Variants in CACNA1C observed in about 807,000 individuals in gnomAD.
CACNA1C encodes calcium voltage-gated channel subunit alpha1 C, also known as voltage-dependent L-type calcium channel subunit alpha-1C.
Under a neutral mutation model 229.0 loss-of-function variants are expected in CACNA1C, and 30 were observed. That is an observed-to-expected ratio of 0.13 (90% CI 0.10 to 0.18). The LOEUF is 0.18. CACNA1C is among the 10% of genes least tolerant of loss of function. The pLI, the probability that CACNA1C is intolerant of heterozygous loss-of-function variation, is 1.00. For missense variants in CACNA1C, 1,658 were observed against 2,845.0 expected (o/e 0.58, Z 9.49); for synonymous variants, 1,114 against 1,132.5 (o/e 0.98, Z 0.33).
chr12:2,159,603 CTTT>C (rs575455560), intron 3 of CACNA1C, among the ~76,000 whole-genome samples: 4 of 138,338 alleles, frequency 2.9e-5, no homozygotes, highest in African/African-American at 5.4e-5. Context: ...CTTTCTTTCT[CTTT>C]TTTTTTTTTT....
rs2049819376 is a variant in CACNA1C at position 2,040,093 on chromosome 12, C to T, written c.139+68892C>T. ...GGTACTTTTCTACCCAGCTGTGGCA[C>T]ACCCATGACTTCAGCAGGGAGAGAG... On this transcript the variant is annotated intron_variant, in intron 1 of 46. Transcript: ENST00000682462. Among the ~76,000 whole-genome samples the T allele has an allele frequency of 5.3e-5, 8 of 152,238 alleles. No homozygotes were observed. In the South Asian group the frequency reaches 1.7e-3, roughly 32 times the overall value.
At chr12:2,193,570 G>A (rs2097308374) in intron 3 of CACNA1C, among the ~76,000 whole-genome samples, 1 of 152,254 alleles carries the variant, frequency 6.6e-6, no homozygotes, top group Admixed American at 6.5e-5. Context: ...GAGAACTCAG[G>A]CAAGCGATGA....
chr12:2,277,575 C>T (rs986997088), intron 3 of CACNA1C, among the ~76,000 whole-genome samples: 6 of 152,206 alleles, frequency 3.9e-5, no homozygotes, highest in Non-Finnish European at 7.3e-5. Context: ...GGGGTCCACC[C>T]CACCCTGAAG....
chr12:2,074,168 T>C (rs370887089), intron 1 of CACNA1C, among the ~76,000 whole-genome samples: 1 of 125,142 alleles, frequency 8.0e-6, no homozygotes, highest in African/African-American at 3.1e-5. Flanking sequence ...ATGTAGATAA[T>C]GTAGGAAAAA....
intron 28 of CACNA1C, 139 bp from the exon 29 acceptor site, chr12:2,611,764 G>A (rs1466520832): frequency 1.6e-6 from 1 of 607,354 alleles, no homozygotes; most frequent in Admixed American, 2.7e-5. Context: ...TGCCCACGGA[G>A]AGGTGGGCGG....
intron 3 of CACNA1C, among the ~76,000 whole-genome samples, chr12:2,194,569 C>T (rs1399971796): frequency 6.6e-6 from 1 of 152,180 alleles, no homozygotes; most frequent in African/African-American, 2.4e-5. Flanking sequence ...TCTTGGGTCT[C>T]CTTGCCTATC....
At chr12:2,372,168 T>C (rs1284613671) in intron 3 of CACNA1C, among the ~76,000 whole-genome samples, 5 of 152,204 alleles carry the variant, frequency 3.3e-5, no homozygotes, top group African/African-American at 1.2e-4. Flanking sequence ...ACCCCCAAGT[T>C]TGATGATGTC....
intron 3 of CACNA1C, among the ~76,000 whole-genome samples, chr12:2,214,006 C>T (rs1186573098): frequency 3.3e-5 from 5 of 152,286 alleles, no homozygotes; most frequent in African/African-American, 4.8e-5. Context: ...CTGGAACTGG[C>T]GCTCACATTG....
rs561944191 is a variant in CACNA1C at position 2,507,596 on chromosome 12, C to T, written c.1217+2651C>T. Among the ~76,000 whole-genome samples the T allele has an allele frequency of 3.2e-3, 489 of 152,342 alleles. 3 individuals are homozygous for T. The highest frequency in any genetic ancestry group is 0.011 in the African/African-American group (469 of 41,568). The stretch of plus-strand genomic sequence containing the variant: ...AGCATTCAAAAAGGTCTCACTGCTC[C>T]ATGAAATTGACTGTCACATTAACAG... On this transcript the variant is annotated intron_variant, in intron 8 of 46. Transcript: ENST00000399655.
intron 3 of CACNA1C, among the ~76,000 whole-genome samples, chr12:2,280,546 T>G (rs1401725796): frequency 1.5e-5 from 1 of 65,290 alleles, no homozygotes; most frequent in African/African-American, 6.0e-5. Flanking sequence ...TTTAACCTCT[T>G]GAGACCTTGC....
At chr12:2,408,629 A>G (rs547356830) in intron 3 of CACNA1C, among the ~76,000 whole-genome samples, 1 of 149,398 alleles carries the variant, frequency 6.7e-6, no homozygotes, top group African/African-American at 2.5e-5. Flanking sequence ...GAGTCTTTTT[A>G]TGTTTCTTTT....
At chr12:1,986,593 T>C (rs530985070) in intron 1 of CACNA1C, among the ~76,000 whole-genome samples, 5 of 151,594 alleles carry the variant, frequency 3.3e-5, no homozygotes, top group Admixed American at 1.3e-4. Flanking sequence ...ACGGTAGGGG[T>C]AGAAGAGTAA....
At chr12:2,523,184 AT>A (rs3216320) in intron 9 of CACNA1C, among the ~76,000 whole-genome samples, 13 of 149,698 alleles carry the variant, frequency 8.7e-5, no homozygotes, top group African/African-American at 3.2e-4. Context: ...CATGGGTTTG[AT>A]TTTTTTTTAA....
Position 2,120,368 on chromosome 12 carries a change from G to A in CACNA1C, c.415G>A (p.Val139Met). Reference sequence around the variant, plus strand: ...TTTACTGACTATTTTTGCCAATTGTGTGGCCTTAGCGATCTATATTCCCTT... The same window carrying A: ...TTTACTGACTATTTTTGCCAATTGTATGGCCTTAGCGATCTATATTCCCTT... ...IILLTIFANC[V>M]ALAIYIPFPE... The change falls in exon 3 of 47, where the codon GTG (valine) becomes ATG (methionine). Residue 139 changes from valine to methionine, a missense_variant. By Grantham distance (21) the Val-to-Met change is conservative (BLOSUM62 1). Transcript: ENST00000399655. 1 of 1,611,724 alleles carries A rather than the reference G, an allele frequency of 6.2e-7. No homozygotes were observed. The highest frequency in any genetic ancestry group is 8.5e-7 in the Non-Finnish European group (1 of 1,177,904).
chr12:2,636,481 G>T lies in CACNA1C; in HGVS notation c.3912+2101G>T, dbSNP rs563470580. 2.0e-5 allele frequency among the ~76,000 whole-genome samples: 3 copies of T among 152,326 alleles called. No individual in the cohort carries two copies. The East Asian group carries it at 5.8e-4, about 29-fold the overall frequency. On this transcript the variant is annotated intron_variant, in intron 30 of 46. Coordinates refer to ENST00000399655, the MANE Select transcript of CACNA1C (RefSeq NM_000719.7). ...ACCCGTCCAGCAGCTCCTGACATTGGAATAGTGGTTTTCTATTTACAAGTC... is the reference window on the plus strand; with the variant it reads ...ACCCGTCCAGCAGCTCCTGACATTGTAATAGTGGTTTTCTATTTACAAGTC...
At chr12:2,483,022 C>T (rs1037774346) in intron 5 of CACNA1C, among the ~76,000 whole-genome samples, 3 of 152,278 alleles carry the variant, frequency 2.0e-5, no homozygotes, top group Non-Finnish European at 4.4e-5. Flanking sequence ...CTGAAGGCAC[C>T]CCGTGCTCAC....
At chr12:2,052,351 T>G (rs2052444086), upstream of CACNA1C, among the ~76,000 whole-genome samples, 1 of 151,620 alleles carries the variant, frequency 6.6e-6, no homozygotes, top group African/African-American at 2.4e-5. Flanking sequence ...CTACAACCGC[T>G]CTGATTATAA....
chr12:2,079,832 C>T (rs1292460038), intron 1 of CACNA1C, among the ~76,000 whole-genome samples: 1 of 152,134 alleles, frequency 6.6e-6, no homozygotes, highest in East Asian at 1.9e-4. Context: ...AATAAGCAGT[C>T]CAGGCTGAAG....
rs71057826 is a variant in CACNA1C at position 2,458,981 on chromosome 12, C to CTTTTTTT, written c.757+1289_757+1295dup. On this transcript the variant is annotated intron_variant, in intron 5 of 46. Coordinates refer to ENST00000399655, the MANE Select transcript of CACNA1C (RefSeq NM_000719.7). Reference sequence around the variant, plus strand: ...TGATTGTCTTGGATTCTTTTTCTTTCTTTTTTTTTTTTTTTTTTTTGAGAC... The same window carrying CTTTTTTT: ...TGATTGTCTTGGATTCTTTTTCTTTCTTTTTTTTTTTTTTTTTTTTTTTTTTTGAGAC... Among the ~76,000 whole-genome samples the CTTTTTTT allele has an allele frequency of 9.1e-4, 96 of 105,614 alleles. 1 individual carries two copies. Among genetic ancestry groups the CTTTTTTT allele is most frequent in the African/African-American group, 3.1e-3 (87 of 28,204 alleles). The allele number at this position is 105,614 out of a possible 152,430, so 69.3% of individuals were successfully genotyped here.
Sources: allele counts gnomAD v4.1 joint callset (sites outside exome capture counted in the v4.1 genomes callset), GRCh38; gene constraint gnomAD v4.1.1; transcripts MANE v1.5; gene names NCBI Gene and HGNC (gene_info 2026-07-23, HGNC 2026-07-21).